FHIT: variants seen among roughly 807,000 people sequenced by gnomAD.
FHIT encodes the protein fragile histidine triad diadenosine triphosphatase.
In FHIT, 19 loss-of-function variants were observed where a neutral mutation model predicts 17.9. That is an observed-to-expected ratio of 1.06 (90% CI 0.74 to 1.56). FHIT has a LOEUF of 1.56. Ranked by LOEUF, FHIT falls within the 40% of genes most tolerant of loss-of-function variation. FHIT has a pLI of 0.00. For synonymous variants in FHIT, 81 were observed against 69.7 expected, an observed-to-expected ratio of 1.16 and a Z score of -0.81; for missense variants, 248 against 189.2, an observed-to-expected ratio of 1.31 and a Z score of -1.82.
chr3:60,698,867 C>T lies in FHIT; in HGVS notation c.-18+123052G>A, dbSNP rs967431158. 5.9e-5 allele frequency among the ~76,000 whole-genome samples: 9 copies of T among 152,138 alleles called. 1 individual carries two copies. Among genetic ancestry groups the T allele is most frequent in the Middle Eastern group, 3.4e-3 (1 of 294 alleles). On this transcript the variant is annotated intron_variant, in intron 4 of 9. Coordinates refer to ENST00000492590, the MANE Select transcript of FHIT (RefSeq NM_002012.4). ...CACATTTCAAAAAGTTCAAAAAATA[C>T]AGAAATATAAAAAATAATCTATTAG...
intron 5 of FHIT, among the ~76,000 whole-genome samples, chr3:60,232,760 T>C (rs745842916): frequency 6.6e-6 from 1 of 152,182 alleles, no homozygotes; most frequent in African/African-American, 2.4e-5. Context: ...CAAGGAGACC[T>C]GAGTGATCTC....
chr3:60,528,221 T>C (rs998320444), intron 5 of FHIT, among the ~76,000 whole-genome samples: 1 of 152,180 alleles, frequency 6.6e-6, no homozygotes, highest in African/African-American at 2.4e-5. Flanking sequence ...TCCCCCTGCT[T>C]CAGCCTCCCA....
chr3:60,135,246 G>T (rs1356358708), intron 5 of FHIT, among the ~76,000 whole-genome samples: 1 of 152,068 alleles, frequency 6.6e-6, no homozygotes, highest in East Asian at 1.9e-4. Flanking sequence ...CGGCACCCAG[G>T]GCTGAGGTGG....
intron 8 of FHIT, among the ~76,000 whole-genome samples, chr3:59,764,627 A>G (rs1454993134): frequency 6.6e-6 from 1 of 152,192 alleles, no homozygotes; most frequent in East Asian, 1.9e-4. Flanking sequence ...TCTCTATTTC[A>G]TTTAAAAACC....
intron 4 of FHIT, among the ~76,000 whole-genome samples, chr3:60,717,196 T>A (rs11130780): frequency 0.84 from 128,275 of 152,076 alleles, 55,856 homozygotes; most frequent in East Asian, 1. Context: ...AAGTTTGAGT[T>A]AAGCAAGATA....
chr3:60,911,881 A>C (rs1706762069), intron 3 of FHIT, among the ~76,000 whole-genome samples: 1 of 152,226 alleles, frequency 6.6e-6, no homozygotes, highest in Non-Finnish European at 1.5e-5. Context: ...ACAAGAAACT[A>C]TAGAGGTTTA....
intron 5 of FHIT, among the ~76,000 whole-genome samples, chr3:60,323,912 C>G (rs756254303): frequency 6.6e-6 from 1 of 152,104 alleles, no homozygotes; most frequent in South Asian, 2.1e-4. Context: ...AAAGCTTCCC[C>G]CTGGCTAATG....
intron 4 of FHIT, among the ~76,000 whole-genome samples, chr3:60,609,206 T>C (rs955999602): frequency 6.6e-6 from 1 of 152,124 alleles, no homozygotes; most frequent in East Asian, 1.9e-4. Context: ...CTCAAGTCTT[T>C]CTCATGTATG....
At chr3:60,517,971 G>A (rs186030472) in intron 5 of FHIT, among the ~76,000 whole-genome samples, 1 of 152,284 alleles carries the variant, frequency 6.6e-6, no homozygotes, top group Non-Finnish European at 1.5e-5. Context: ...GGAAGATACA[G>A]TGAATTTTTA....
chr3:60,386,885 G>T (rs1701031259), intron 5 of FHIT, among the ~76,000 whole-genome samples: 1 of 152,170 alleles, frequency 6.6e-6, no homozygotes, highest in Non-Finnish European at 1.5e-5. Context: ...AGGGCTCAGA[G>T]TGGACAAGCA....
chr3:60,415,823 A>C (rs750722200), intron 5 of FHIT, among the ~76,000 whole-genome samples: 1 of 149,628 alleles, frequency 6.7e-6, no homozygotes, highest in African/African-American at 2.4e-5. Flanking sequence ...CCTCATCTAT[A>C]AAATAATAAT....
At chr3:60,995,453 G>A (rs894942037) in intron 3 of FHIT, among the ~76,000 whole-genome samples, 19 of 152,152 alleles carry the variant, frequency 1.2e-4, no homozygotes, top group Non-Finnish European at 2.5e-4. Context: ...CCCCCAAACA[G>A]TTGAGCTGCC....
intron 2 of FHIT, among the ~76,000 whole-genome samples, chr3:61,073,677 A>G (rs1336729925): frequency 2.6e-5 from 4 of 152,182 alleles, no homozygotes; most frequent in Non-Finnish European, 4.4e-5. Context: ...TTTTATAACT[A>G]TTGCTAGCCA....
rs142341418 is a variant in FHIT, at chr3:61,246,516, G to A, written c.-213+4785C>T. Among the ~76,000 whole-genome samples the A allele has an allele frequency of 3.3e-3, 499 of 152,152 alleles. 6 individuals carry two copies. The highest frequency in any genetic ancestry group is 0.012 in the African/African-American group (480 of 41,466). On this transcript the variant is annotated intron_variant, in intron 1 of 9. Coordinates refer to ENST00000492590, the MANE Select transcript of FHIT (RefSeq NM_002012.4). ...ATTAAACAATTTCCCAAATGCCCTC[G>A]GAATAAGGTCGAAATGCAGGTAACC...
intron 8 of FHIT, among the ~76,000 whole-genome samples, chr3:59,869,615 G>T (rs1164013521): frequency 6.7e-6 from 1 of 149,478 alleles, no homozygotes; most frequent in African/African-American, 2.5e-5. Context: ...CCTAGTAGCT[G>T]GGACTACAGG....
chr3:60,784,076 C>T (rs1235741488), intron 4 of FHIT, among the ~76,000 whole-genome samples: 1 of 152,238 alleles, frequency 6.6e-6, no homozygotes, highest in South Asian at 2.1e-4. Context: ...TTATGAATGT[C>T]CTCTGCTCAT....
At chr3:59,763,106 T>C (rs1450831923) in intron 8 of FHIT, among the ~76,000 whole-genome samples, 1 of 152,222 alleles carries the variant, frequency 6.6e-6, no homozygotes, top group African/African-American at 2.4e-5. Flanking sequence ...CCTAGAGTGA[T>C]GTCAACCCAC....
chr3:60,694,098 C>T (rs950513816), intron 4 of FHIT, among the ~76,000 whole-genome samples: 1 of 152,088 alleles, frequency 6.6e-6, no homozygotes, highest in African/African-American at 2.4e-5. Context: ...GCAAAGAATA[C>T]TGAGGAAATT....
intron 4 of FHIT, among the ~76,000 whole-genome samples, chr3:60,550,308 G>A (rs1414960460): frequency 1.4e-5 from 2 of 146,354 alleles, no homozygotes; most frequent in African/African-American, 2.6e-5. Context: ...AAATTCCACA[G>A]GAGACAGTAG....
Sources: allele counts gnomAD v4.1 joint callset (sites outside exome capture counted in the v4.1 genomes callset), GRCh38; gene constraint gnomAD v4.1.1; transcripts MANE v1.5; gene names NCBI Gene and HGNC (gene_info 2026-07-23, HGNC 2026-07-21).